The following VPS35L variants were observed in gnomAD, a reference collection of about 807,000 sequenced individuals.
VPS35L encodes VPS35 endosomal protein sorting factor like.
A neutral mutation model predicts 133.0 loss-of-function variants in VPS35L; 83 were observed. The observed-to-expected ratio is 0.62, with a 90% confidence interval of 0.52 to 0.75. The LOEUF (loss-of-function observed/expected upper bound fraction) is 0.75. VPS35L is among the 30% of genes least tolerant of loss of function. The pLI, the probability that VPS35L is intolerant of heterozygous loss-of-function variation, is 0.00. For missense variants in VPS35L, 1,083 were observed against 1,206.8 expected (o/e 0.90, Z 1.52); for synonymous variants, 423 against 449.9 (o/e 0.94, Z 0.76).
At chr16:19,583,301 A>AT in intron 7 of VPS35L, among the ~76,000 whole-genome samples, 1 of 152,248 alleles carries the variant, frequency 6.6e-6, no homozygotes, top group Non-Finnish European at 1.5e-5. Flanking sequence ...CTGCCTTTAT[A>AT]AATCTACCTT....
Position 19,640,044 on chromosome 16 carries a change from C to G in VPS35L, c.1728C>G (p.Phe576Leu). The G allele has an allele frequency of 6.2e-7, 1 of 1,614,110 alleles. No individual in the cohort carries two copies. Among genetic ancestry groups the G allele is most frequent in the South Asian group, 1.1e-5 (1 of 91,084 alleles). ...VEKFLPFLDM[F>L]QKESVRVEVC... ...AATTTCTGCCGTTTCTGGACATGTT[C>G]CAAAAAGAGAGTGTGCGGGTGGAGG... Residue 576 changes from phenylalanine (F) to leucine (L), a missense_variant, in exon 21 of 31, where the codon TTC (phenylalanine) becomes TTG (leucine). Phe to Leu is a conservative substitution (Grantham distance 22). Transcript: ENST00000417362.
At position 19,608,998 on chromosome 16, in the gene VPS35L, A is replaced by C; in HGVS notation, c.906A>C (p.Lys302Asn). 1 of 1,614,034 alleles carries C rather than the reference A, an allele frequency of 6.2e-7. No homozygotes were observed. The highest frequency in any genetic ancestry group is 8.5e-7 in the Non-Finnish European group (1 of 1,179,956). The part of the protein sequence containing the change: ...PRFYVEASIL[K>N]CNKFLSKTGI... The stretch of plus-strand genomic sequence containing the variant: ...GTTACGTGGAGGCATCCATCCTGAA[A>C]TGTAACAAATTCCTCTCCAAAACGT... The change falls in exon 11 of 31, where the codon AAA becomes AAC. Residue 302 changes from lysine to asparagine, a missense_variant. Transcript: ENST00000417362.
At chr16:19,661,092 C>T (rs1974471226) in intron 26 of VPS35L, among the ~76,000 whole-genome samples, 1 of 150,598 alleles carries the variant, frequency 6.6e-6, no homozygotes, top group African/African-American at 2.4e-5. Flanking sequence ...ATATGTAGTT[C>T]TCTTTCCCCC....
At chr16:19,556,421 C>A (rs1031641270) in intron 1 of VPS35L, among the ~76,000 whole-genome samples, 18 of 152,144 alleles carry the variant, frequency 1.2e-4, no homozygotes, top group Admixed American at 1.0e-3. Context: ...GAGGGCGTGG[C>A]GTGTGCCTGG....
At chr16:19,644,989 T>A in intron 23 of VPS35L, 40 bp downstream of exon 23, 1 of 1,377,688 alleles carries the variant, frequency 7.3e-7, no homozygotes, top group South Asian at 1.2e-5. Context: ...CTTGGAAGTG[T>A]GATGTAATTG....
At position 19,629,570 on chromosome 16, in the gene VPS35L, A is replaced by G. The variant is rs1237925145; in HGVS notation, c.1501-197A>G. On this transcript the variant is annotated intron_variant, in intron 17 of 30. Transcript: ENST00000417362. ...TAACTTTATAGTGGGCATCCAAAATATAACAGTTCGTAAGATTTAGGCTTG... is the reference window on the plus strand; with the variant it reads ...TAACTTTATAGTGGGCATCCAAAATGTAACAGTTCGTAAGATTTAGGCTTG... Among the ~76,000 whole-genome samples the G allele has an allele frequency of 2.6e-5, 4 of 152,372 alleles. No individual in the cohort carries two copies. The South Asian group carries it at 6.2e-4, about 24-fold the overall frequency.
At chr16:19,631,487 G>A (rs1169548799) in intron 18 of VPS35L, among the ~76,000 whole-genome samples, 1 of 151,630 alleles carries the variant, frequency 6.6e-6, no homozygotes, top group Non-Finnish European at 1.5e-5. Flanking sequence ...GATTTTTGTG[G>A]TTTTTTTTGG....
Position 19,647,840 on chromosome 16 carries a change from G to A in VPS35L, c.1986G>A (p.Ser662=), listed in dbSNP as rs747393919. ...QQLSFYVESR[S]MFCNLEPVLV... ...TGAGTTTTTATGTTGAGTCCAGGTC[G>A]ATGTTTTGCAATCTGGAGCCTGTTC... The change falls in exon 24 of 31, where the codon TCG becomes TCA. Residue 662 remains serine (S), a synonymous_variant. Transcript: ENST00000417362. 12 of 1,614,058 alleles carry A rather than the reference G, an allele frequency of 7.4e-6. No homozygotes were observed. The highest frequency in any genetic ancestry group is 8.5e-6 in the Non-Finnish European group (10 of 1,180,016).
At chr16:19,685,977 G>A (rs1051984386) in intron 28 of VPS35L, among the ~76,000 whole-genome samples, 2 of 152,114 alleles carry the variant, frequency 1.3e-5, no homozygotes, top group Non-Finnish European at 2.9e-5. Context: ...GGCCGCCAGC[G>A]AAGACGACTA....
chr16:19,598,360 G>C (rs1311659414), intron 8 of VPS35L, among the ~76,000 whole-genome samples: 1 of 152,162 alleles, frequency 6.6e-6, no homozygotes, highest in Non-Finnish European at 1.5e-5. Context: ...TCTTTGATTT[G>C]TAAGAAAGCA....
At chr16:19,573,737 C>T (rs1166523832) in intron 4 of VPS35L, among the ~76,000 whole-genome samples, 1 of 151,960 alleles carries the variant, frequency 6.6e-6, no homozygotes, top group Non-Finnish European at 1.5e-5. Flanking sequence ...TGCTTGAACC[C>T]GGGAAGTGGA....
chr16:19,671,692 G>A (rs527327171), intron 27 of VPS35L, among the ~76,000 whole-genome samples: 2 of 151,954 alleles, frequency 1.3e-5, no homozygotes, highest in African/African-American at 4.8e-5. Context: ...CAGGAGAATC[G>A]CTTGAACCTG....
chr16:19,666,606 G>A lies in VPS35L; in HGVS notation c.2222-2554G>A, dbSNP rs139324922. Among the ~76,000 whole-genome samples, 358 of 152,234 alleles carry A rather than the reference G, an allele frequency of 2.4e-3. 1 individual carries two copies. Among genetic ancestry groups the A allele is most frequent in the African/African-American group, 7.9e-3 (329 of 41,548 alleles). ...TTTAGAGTGGAAACTGGGCGGGGTG[G>A]GTGAGAGGAGCCAAGTTCTGGGGAC... On this transcript the variant is annotated intron_variant, in intron 26 of 30. Transcript: ENST00000417362.
chr16:19,647,789 C>T lies in VPS35L; in HGVS notation c.1935C>T (p.Ser645=). ...GTCTTTCTCCTTGATTCTAGGTTTC[C>T]TTTGGCCGTGATTTTGAACAACAGC... ...YLINGFIKMV[S]FGRDFEQQLS... Residue 645 remains serine (S), a synonymous_variant, in exon 24 of 31, where the codon TCC becomes TCT. Transcript: ENST00000417362. 1 of 1,613,904 alleles carries T rather than the reference C, an allele frequency of 6.2e-7. No individual in the cohort carries two copies. The highest frequency in any genetic ancestry group is 8.5e-7 in the Non-Finnish European group (1 of 1,179,894).
Position 19,696,942 on chromosome 16 carries a change from G to A in VPS35L, c.2647-2560G>A, listed in dbSNP as rs549340493. ...GGTCTTGTAGATTCAGGCAGAAAGT[G>A]GGGCTCCCGTTCTCCCAGGTGTCAG... On this transcript the variant is annotated intron_variant, in intron 29 of 30. Transcript: ENST00000417362. Among the ~76,000 whole-genome samples the A allele has an allele frequency of 5.5e-4, 84 of 152,302 alleles. No homozygotes were observed. In the South Asian group the frequency reaches 0.017, roughly 31 times the overall value.
intron 14 of VPS35L, 104 bp downstream of exon 14, chr16:19,616,912 G>A (rs1779982938): frequency 3.3e-6 from 5 of 1,523,858 alleles, no homozygotes; most frequent in African/African-American, 1.4e-5. Flanking sequence ...AACAGCTATA[G>A]CAATGTTAGT....
rs766222839 is a variant in VPS35L, at chr16:19,627,688, T to G, written c.1272-6T>G. On this transcript the variant is annotated splice_polypyrimidine_tract_variant and splice_region_variant and intron_variant, in intron 15 of 30. Coordinates refer to ENST00000417362, the MANE Select transcript of VPS35L (RefSeq NM_020314.7). Reference sequence around the variant, plus strand: ...CCAGGCTGACTTGGGGATCTGTGTCTTGCAGTGCCTTGCTGTTGAATTCTG... The same window carrying G: ...CCAGGCTGACTTGGGGATCTGTGTCGTGCAGTGCCTTGCTGTTGAATTCTG... 17 of 1,605,404 alleles carry G rather than the reference T, an allele frequency of 1.1e-5. No homozygotes were observed. The Admixed American group carries it at 2.2e-4, about 20-fold the overall frequency.
intron 22 of VPS35L, among the ~76,000 whole-genome samples, chr16:19,643,059 T>G (rs1169951054): frequency 1.3e-5 from 2 of 152,218 alleles, no homozygotes; most frequent in Non-Finnish European, 2.9e-5. Flanking sequence ...CTGGAAAATG[T>G]TACAAGAATG....
At chr16:19,614,343 A>G (rs915624464) in intron 12 of VPS35L, among the ~76,000 whole-genome samples, 28 of 152,242 alleles carry the variant, frequency 1.8e-4, no homozygotes, top group African/African-American at 6.8e-4. Flanking sequence ...CTCAAATGCC[A>G]TCTGAAAAAC....
Sources: gnomAD v4.1 joint callset for allele counts (sites outside exome capture counted in the v4.1 genomes callset) on GRCh38, gnomAD v4.1.1 for gene constraint, MANE v1.5 for transcripts, NCBI Gene and HGNC (gene_info 2026-07-23, HGNC 2026-07-21) for gene names.